Variants in SEC14L1 observed in about 807,000 individuals in gnomAD.
SEC14L1 encodes SEC14 like lipid binding 1.
A neutral mutation model predicts 85.3 loss-of-function variants in SEC14L1; 48 were observed. That is an observed-to-expected ratio of 0.56 (90% CI 0.45 to 0.72). The LOEUF is 0.72. Among genes scored for constraint, SEC14L1 ranks in the 30% least tolerant of loss-of-function variants. The pLI, the probability that SEC14L1 is intolerant of heterozygous loss-of-function variation, is 0.00. For synonymous variants in SEC14L1, 391 were observed against 355.5 expected (o/e 1.10, Z -1.12); for missense variants, 682 against 921.4 (o/e 0.74, Z 3.36).
At chr17:77,121,964 A>T (rs1298849963) in intron 3 of SEC14L1, among the ~76,000 whole-genome samples, 1 of 152,220 alleles carries the variant, frequency 6.6e-6, no homozygotes, top group Non-Finnish European at 1.5e-5. Context: ...CAGTTTGCTC[A>T]TCTGGGCTTA....
intron 3 of SEC14L1, chr17:77,152,436 T>C (rs2411071): frequency 0.6 from 90,839 of 151,306 alleles, 27,439 homozygotes; most frequent in Middle Eastern, 0.71. Flanking sequence ...CTTAGGAGGC[T>C]GAGGCAGGAG....
chr17:77,130,997 A>G (rs751800547), intron 3 of SEC14L1, among the ~76,000 whole-genome samples: 72 of 152,208 alleles, frequency 4.7e-4, no homozygotes, highest in Non-Finnish European at 9.1e-4. Context: ...AGGTGCTATT[A>G]AAATAGGAGA....
At chr17:77,178,110 G>C (rs560291051) in intron 3 of SEC14L1, among the ~76,000 whole-genome samples, 1 of 123,894 alleles carries the variant, frequency 8.1e-6, no homozygotes, top group Admixed American at 1.2e-4. Context: ...CTTGTTTCTA[G>C]GACCCAAAGG....
intron 3 of SEC14L1, among the ~76,000 whole-genome samples, chr17:77,161,854 T>TCCCTC (rs375878692): frequency 9.3e-5 from 14 of 151,126 alleles, no homozygotes; most frequent in East Asian, 3.9e-4. Flanking sequence ...TTGTTTCCCT[T>TCCCTC]CCCTCCCCTC....
chr17:77,132,226 A>ATT (rs1333203539), intron 3 of SEC14L1, among the ~76,000 whole-genome samples: 2,337 of 133,340 alleles, frequency 0.018, 99 homozygotes, highest in African/African-American at 0.062. Context: ...TCTGCATGGA[A>ATT]TTTTTTTTTT....
chr17:77,117,925 C>G (rs1004014136), intron 3 of SEC14L1, among the ~76,000 whole-genome samples: 1 of 151,230 alleles, frequency 6.6e-6, no homozygotes, highest in African/African-American at 2.4e-5. Flanking sequence ...TCCCTCACCT[C>G]CCCCTACACA....
rs527554197 is a variant in SEC14L1 at position 77,216,753 on chromosome 17, C to T, written c.*2730C>T. The T allele has an allele frequency of 3.6e-5, 35 of 979,698 alleles. No individual in the cohort carries two copies. The highest frequency in any genetic ancestry group is 1.8e-4 in the Admixed American group (7 of 39,616). 60.7% of individuals were successfully genotyped at this position (979,698 alleles called of 1,614,324 possible). ...TCTTGAAGAGCTCAAAGCACATGACCGCACAAATGCTTACAGGGTTTCCTC... is the reference window on the plus strand; with the variant it reads ...TCTTGAAGAGCTCAAAGCACATGACTGCACAAATGCTTACAGGGTTTCCTC... On this transcript the variant is annotated 3_prime_UTR_variant, in exon 17 of 17. Coordinates refer to ENST00000436233, the MANE Select transcript of SEC14L1 (RefSeq NM_001143998.2).
chr17:77,101,683 A>AT (rs1971780572), intron 3 of SEC14L1, among the ~76,000 whole-genome samples: 1 of 152,134 alleles, frequency 6.6e-6, no homozygotes. Context: ...TGGGCTGGAG[A>AT]TTCGGCAGTT....
rs1976978642 is a variant in SEC14L1, at chr17:77,215,208, A to G, written c.*1185A>G. Reference sequence around the variant, plus strand: ...AATATGGGATTTGTTTGCCTTTTACATTTTGTTTAATTCCTGATTTTAAAG... The same window carrying G: ...AATATGGGATTTGTTTGCCTTTTACGTTTTGTTTAATTCCTGATTTTAAAG... On this transcript the variant is annotated 3_prime_UTR_variant, in exon 17 of 17. Coordinates refer to ENST00000436233, the MANE Select transcript of SEC14L1 (RefSeq NM_001143998.2). 1 of 985,330 alleles carries G rather than the reference A, an allele frequency of 1.0e-6. No homozygotes were observed. Among genetic ancestry groups the G allele is most frequent in the Non-Finnish European group, 1.2e-6 (1 of 829,930 alleles). The allele number at this position is 985,330 out of a possible 1,614,324, so 61.0% of individuals were successfully genotyped here. A position where few individuals can be genotyped will look rare whatever the true frequency, so the allele number is the denominator to read the frequency against.
intron 3 of SEC14L1, among the ~76,000 whole-genome samples, chr17:77,168,397 G>A (rs1974381442): frequency 6.6e-6 from 1 of 152,156 alleles, no homozygotes; most frequent in Admixed American, 6.5e-5. Flanking sequence ...AGGTAGGGGA[G>A]GTTTTGTGAG....
chr17:77,187,168 T>G (rs896535098), intron 3 of SEC14L1, among the ~76,000 whole-genome samples: 1 of 152,100 alleles, frequency 6.6e-6, no homozygotes, highest in African/African-American at 2.4e-5. Flanking sequence ...CCGAAAAAAT[T>G]CTGAAATCAG....
In SEC14L1 at chr17:77,209,373, A is replaced by G. The variant is rs752178447; in HGVS notation, c.1508A>G (p.Lys503Arg). The G allele has an allele frequency of 5.0e-6, 8 of 1,614,012 alleles. No homozygotes were observed. The highest frequency in any genetic ancestry group is 2.2e-5 in the East Asian group (1 of 44,894). ...CEVPEGGLVP[K>R]SLYRTAEELE... ...GTGCCAGAGGGTGGACTGGTCCCCAAATCTCTGTACCGGACTGCAGAGGAG... is the reference window on the plus strand; with the variant it reads ...GTGCCAGAGGGTGGACTGGTCCCCAGATCTCTGTACCGGACTGCAGAGGAG... Residue 503 changes from lysine (K) to arginine (R), a missense_variant, in exon 14 of 17, where the codon AAA becomes AGA. This residue lies in a region of SEC14L1 where 420 missense variants were observed against 619.5 expected (regional missense o/e 0.68). Transcript: ENST00000436233.
chr17:77,199,700 A>G (rs1486565514), intron 8 of SEC14L1, among the ~76,000 whole-genome samples: 1 of 152,214 alleles, frequency 6.6e-6, no homozygotes, highest in East Asian at 1.9e-4. Context: ...GAGTTGAAGC[A>G]TTTGATGTTT....
At chr17:77,199,981 C>T (rs1395969703) in intron 8 of SEC14L1, among the ~76,000 whole-genome samples, 2 of 152,248 alleles carry the variant, frequency 1.3e-5, no homozygotes, top group East Asian at 3.9e-4. Flanking sequence ...CCAGCCTGGG[C>T]AACATGGGGA....
At chr17:77,145,239 C>T (rs577499465) in intron 3 of SEC14L1, among the ~76,000 whole-genome samples, 3 of 152,166 alleles carry the variant, frequency 2.0e-5, no homozygotes, top group East Asian at 3.9e-4. Flanking sequence ...GGTGATCCTC[C>T]TGCCTTGGCC....
chr17:77,191,604 G>T (rs1458042990), intron 5 of SEC14L1, among the ~76,000 whole-genome samples: 4 of 151,964 alleles, frequency 2.6e-5, no homozygotes, highest in African/African-American at 7.3e-5. Flanking sequence ...GTGCAGTGGT[G>T]CAATCTCGGC....
intron 3 of SEC14L1, among the ~76,000 whole-genome samples, chr17:77,174,025 C>T (rs1437226009): frequency 1.3e-5 from 2 of 152,110 alleles, no homozygotes; most frequent in East Asian, 3.9e-4. Context: ...CTCAGCCTCC[C>T]AAGTAGCTGG....
At chr17:77,100,721 G>A (rs1598217881) in intron 3 of SEC14L1, among the ~76,000 whole-genome samples, 1 of 152,160 alleles carries the variant, frequency 6.6e-6, no homozygotes, top group East Asian at 1.9e-4. Flanking sequence ...ACAGGAGTGA[G>A]CCACCGCGCC....
intron 3 of SEC14L1, among the ~76,000 whole-genome samples, chr17:77,184,684 G>A (rs549455739): frequency 2.6e-5 from 4 of 152,300 alleles, no homozygotes; most frequent in Non-Finnish European, 4.4e-5. Flanking sequence ...CAACCGCACG[G>A]ATTCCTTTGT....
Sources: gnomAD v4.1 joint callset for allele counts (sites outside exome capture counted in the v4.1 genomes callset) on GRCh38, gnomAD v4.1.1 for gene constraint, gnomAD v4.1.1 regional missense constraint, MANE v1.5 for transcripts, NCBI Gene and HGNC (gene_info 2026-07-23, HGNC 2026-07-21) for gene names.